Variants in FTO observed in about 807,000 individuals in gnomAD.
FTO encodes the protein alpha-ketoglutarate-dependent dioxygenase FTO.
FTO carries 47 observed loss-of-function variants against 63.9 expected under a neutral mutation model. The observed-to-expected ratio is 0.74, with a 90% CI of 0.58 to 0.94. The LOEUF is 0.94. Ranked by LOEUF, FTO falls within the 40% of genes least tolerant of loss-of-function variation. FTO has a pLI of 0.00. For synonymous variants in FTO, 207 were observed against 224.4 expected (o/e 0.92, Z 0.69); for missense variants, 562 against 618.1 (o/e 0.91, Z 0.96).
At chr16:53,955,445 C>T (rs553603590) in intron 8 of FTO, among the ~76,000 whole-genome samples, 22 of 152,030 alleles carry the variant, frequency 1.4e-4, no homozygotes, top group Admixed American at 1.4e-3. Context: ...TTAGGGAAGC[C>T]TCATTTAAGC....
At chr16:54,079,389 T>A (rs2086085026) in intron 8 of FTO, among the ~76,000 whole-genome samples, 1 of 152,184 alleles carries the variant, frequency 6.6e-6, no homozygotes, top group Non-Finnish European at 1.5e-5. Context: ...AAGCCAGGGC[T>A]GAAGCCACAG....
intron 7 of FTO, among the ~76,000 whole-genome samples, chr16:53,920,961 T>A (rs2081994180): frequency 6.6e-6 from 1 of 151,806 alleles, no homozygotes; most frequent in Non-Finnish European, 1.5e-5. Flanking sequence ...GAAAGAGGAG[T>A]TGGGTGGGTA....
chr16:53,918,965 A>G (rs771708831), intron 7 of FTO, among the ~76,000 whole-genome samples: 1 of 152,178 alleles, frequency 6.6e-6, no homozygotes, highest in South Asian at 2.1e-4. Context: ...TGTGATTAAT[A>G]CTTGCTCTAC....
At chr16:53,807,964 G>A (rs185675311) in intron 1 of FTO, among the ~76,000 whole-genome samples, 20 of 152,206 alleles carry the variant, frequency 1.3e-4, no homozygotes, top group African/African-American at 4.6e-4. Flanking sequence ...CTGGTTTGTC[G>A]ATTATCTGTA....
intron 5 of FTO, among the ~76,000 whole-genome samples, chr16:53,878,484 C>T (rs2080731515): frequency 6.6e-6 from 1 of 152,096 alleles, no homozygotes; most frequent in Admixed American, 6.5e-5. Flanking sequence ...GGCACAGAAA[C>T]TTTGTTTTTC....
chr16:53,749,346 T>C (rs2076725361), intron 1 of FTO, among the ~76,000 whole-genome samples: 1 of 152,214 alleles, frequency 6.6e-6, no homozygotes, highest in African/African-American at 2.4e-5. Flanking sequence ...AATACTCTAA[T>C]ACTATATTCC....
At chr16:53,915,615 T>C (rs1292936465) in intron 7 of FTO, among the ~76,000 whole-genome samples, 1 of 152,210 alleles carries the variant, frequency 6.6e-6, no homozygotes, top group Non-Finnish European at 1.5e-5. Flanking sequence ...TCTTTGTTAC[T>C]GAAACAAAAA....
intron 1 of FTO, among the ~76,000 whole-genome samples, chr16:53,739,325 C>T (rs1416849347): frequency 5.9e-5 from 9 of 151,872 alleles, no homozygotes; most frequent in East Asian, 1.9e-4. Context: ...CCTGCTTCAG[C>T]CTCCCCAGTA....
intron 1 of FTO, among the ~76,000 whole-genome samples, chr16:53,804,471 A>C (rs1328471946): frequency 6.6e-6 from 1 of 152,126 alleles, no homozygotes; most frequent in African/African-American, 2.4e-5. Context: ...AATCCAGTTT[A>C]CTTTTACTGT....
intron 8 of FTO, among the ~76,000 whole-genome samples, chr16:54,090,473 C>T (rs7191350): frequency 0.025 from 3,820 of 152,152 alleles, 145 homozygotes; most frequent in African/African-American, 0.085. Context: ...GGTTGCACAA[C>T]ATTGTAAGTG....
intron 4 of FTO, among the ~76,000 whole-genome samples, chr16:53,869,531 C>A (rs1012678872): frequency 1.4e-5 from 2 of 144,784 alleles, no homozygotes; most frequent in African/African-American, 5.2e-5. Context: ...TGCAGTTGTC[C>A]CATAGTTCTG....
At chr16:54,053,992 C>T (rs915908404) in intron 8 of FTO, among the ~76,000 whole-genome samples, 16 of 152,072 alleles carry the variant, frequency 1.1e-4, no homozygotes, top group African/African-American at 2.7e-4. Context: ...TCCGATTCCC[C>T]GTGCACTTAG....
chr16:53,740,191 A>G (rs1225625026), intron 1 of FTO, among the ~76,000 whole-genome samples: 3 of 152,192 alleles, frequency 2.0e-5, no homozygotes, highest in African/African-American at 4.8e-5. Flanking sequence ...TTGTTTTTCT[A>G]CAAGAATGCT....
At position 54,080,383 on chromosome 16, in the gene FTO, A is replaced by G. The variant is rs576073282; in HGVS notation, c.1365-31379A>G. Among the ~76,000 whole-genome samples the G allele has an allele frequency of 9.8e-5, 15 of 152,342 alleles. No homozygotes were observed. In the South Asian group the frequency reaches 1.5e-3, roughly 15 times the overall value. ...GTCACTGAGTGCCAGGCATTGTGCT[A>G]TACATTTTGCATTCACGATCTCGTT... On this transcript the variant is annotated intron_variant, in intron 8 of 8. Transcript: ENST00000471389.
intron 7 of FTO, among the ~76,000 whole-genome samples, chr16:53,900,255 A>T (rs2081368975): frequency 6.6e-6 from 1 of 152,114 alleles, no homozygotes; most frequent in Non-Finnish European, 1.5e-5. Flanking sequence ...TGAGTTAATT[A>T]AGCAGTGTTG....
At chr16:53,959,842 A>C (rs1442556397) in intron 8 of FTO, among the ~76,000 whole-genome samples, 2 of 152,114 alleles carry the variant, frequency 1.3e-5, no homozygotes, top group Admixed American at 1.3e-4. Flanking sequence ...GTCCTGAAGG[A>C]GGAAGATGCC....
At chr16:54,106,903 A>G (rs1029524267) in intron 8 of FTO, among the ~76,000 whole-genome samples, 2 of 140,840 alleles carry the variant, frequency 1.4e-5, no homozygotes, top group South Asian at 4.3e-4. Context: ...TAAATATATA[A>G]TACACGATAT....
At chr16:53,847,294 A>G (rs2079652662) in intron 4 of FTO, among the ~76,000 whole-genome samples, 2 of 151,962 alleles carry the variant, frequency 1.3e-5, no homozygotes, top group Admixed American at 1.3e-4. Flanking sequence ...TCCTCACCCT[A>G]CTCAGCGCTG....
At chr16:53,823,977 A>T (rs543545486) in intron 2 of FTO, among the ~76,000 whole-genome samples, 1 of 152,234 alleles carries the variant, frequency 6.6e-6, no homozygotes, top group Admixed American at 6.5e-5. Context: ...CCTACAACGT[A>T]TGTATTTCAT....
Sources: gnomAD v4.1 joint callset for allele counts (sites outside exome capture counted in the v4.1 genomes callset) on GRCh38, gnomAD v4.1.1 for gene constraint, MANE v1.5 for transcripts, NCBI Gene and HGNC (gene_info 2026-07-23, HGNC 2026-07-21) for gene names.